The following TRPM1 variants were observed in gnomAD, a reference collection of about 807,000 sequenced individuals.
The protein encoded by TRPM1 is TRPM1-203 APA Isoform, Intron 10.
In TRPM1, 113 loss-of-function variants were observed where a neutral mutation model predicts 149.4. The ratio of observed to expected loss-of-function variants is 0.76; its 90% confidence interval spans 0.65 to 0.88. The LOEUF (loss-of-function observed/expected upper bound fraction) is 0.88. TRPM1 is among the 40% of genes least tolerant of loss of function. The probability of loss-of-function intolerance (pLI) is 0.00; values close to 1 mark genes in which losing one functional copy is unlikely to be tolerated. For missense variants in TRPM1, 1,976 were observed against 2,038.7 expected (o/e 0.97, Z 0.59); for synonymous variants, 741 against 759.5 (o/e 0.98, Z 0.40).
Position 31,066,262 on chromosome 15 carries a change from A to G in TRPM1, c.619-15T>C, listed in dbSNP as rs1289642092. 4.3e-6 allele frequency: 7 copies of G among 1,614,096 alleles called. No homozygotes were observed. Among genetic ancestry groups the G allele is most frequent in the African/African-American group, 2.7e-5 (2 of 74,924 alleles). ...ACTCTTGTTACCTGACAAAGTGCAC[A>G]GCGCAAATCAGACCTGCAGGACTTG... is the stretch of plus-strand genomic sequence containing the variant. On this transcript the variant is annotated splice_polypyrimidine_tract_variant and intron_variant, in intron 6 of 27. Coordinates refer to ENST00000256552, the MANE Select transcript of TRPM1 (RefSeq NM_001252024.2).
chr15:31,040,763 T>C lies in TRPM1; in HGVS notation c.2088-417A>G, dbSNP rs71399738. Among the ~76,000 whole-genome samples, 1 of 151,972 alleles carries C rather than the reference T, an allele frequency of 6.6e-6. No homozygotes were observed. Among genetic ancestry groups the C allele is most frequent in the African/African-American group, 2.4e-5 (1 of 41,394 alleles). On this transcript the variant is annotated intron_variant, in intron 17 of 27. Coordinates refer to ENST00000256552, the MANE Select transcript of TRPM1 (RefSeq NM_001252024.2). This position sits in a 1 kb window ranked among gnomAD's most constrained non-coding sequence, Gnocchi z 4.2. Reference sequence around the variant, plus strand: ...GTAGCGGGGCTGCTGGTGGTGGTGGTGGCGGGAGGTGGACACTGAAAGGAG... The same window carrying C: ...GTAGCGGGGCTGCTGGTGGTGGTGGCGGCGGGAGGTGGACACTGAAAGGAG...
At chr15:31,146,005 T>C (rs1461302381) in intron 1 of TRPM1, among the ~76,000 whole-genome samples, 1 of 152,066 alleles carries the variant, frequency 6.6e-6, no homozygotes, top group Non-Finnish European at 1.5e-5. Context: ...AGGCTTTGAA[T>C]GTGGGCCTCA....
intron 1 of TRPM1, among the ~76,000 whole-genome samples, chr15:31,121,598 A>G (rs972106742): frequency 6.6e-6 from 1 of 152,204 alleles, no homozygotes; most frequent in Non-Finnish European, 1.5e-5. Context: ...TCCTTGAAAC[A>G]CACAATCTTT....
chr15:31,083,146 T>C (rs2034907050), intron 1 of TRPM1, among the ~76,000 whole-genome samples: 1 of 152,152 alleles, frequency 6.6e-6, no homozygotes, highest in Non-Finnish European at 1.5e-5. Context: ...GGCGAGGCTC[T>C]GTTTACTCAA....
intron 1 of TRPM1, among the ~76,000 whole-genome samples, chr15:31,140,456 T>C (rs2036147397): frequency 6.6e-6 from 1 of 152,194 alleles, no homozygotes; most frequent in South Asian, 2.1e-4. Context: ...GGGAGGTGTT[T>C]GGGTCTGGGG....
intron 4 of TRPM1, 66 bp downstream of exon 4, chr15:31,069,965 G>T: frequency 6.2e-7 from 1 of 1,613,754 alleles, no homozygotes; most frequent in African/African-American, 1.3e-5. Context: ...GCAGTTTGGG[G>T]CTGGGAGACT....
chr15:31,048,079 A>T (rs2033832324), intron 13 of TRPM1, 140 bp from the exon 14 acceptor site: 2 of 757,676 alleles, frequency 2.6e-6, no homozygotes, highest in Non-Finnish European at 4.8e-6. Context: ...CCTGGCCAAC[A>T]TGGTGAAACC....
intron 1 of TRPM1, among the ~76,000 whole-genome samples, chr15:31,108,072 G>A (rs1180937512): frequency 6.6e-6 from 1 of 152,070 alleles, no homozygotes; most frequent in Non-Finnish European, 1.5e-5. Context: ...TGGCCAGGCT[G>A]GTCTCGAACT....
intron 13 of TRPM1, among the ~76,000 whole-genome samples, chr15:31,048,971 T>C (rs1049025406): frequency 1.3e-5 from 2 of 152,122 alleles, no homozygotes; most frequent in African/African-American, 4.8e-5. Flanking sequence ...CCAGCAGAGC[T>C]CCTGGGTGTG....
upstream of TRPM1, among the ~76,000 whole-genome samples, chr15:31,104,275 G>A (rs1227391618): frequency 1.3e-5 from 2 of 152,198 alleles, no homozygotes; most frequent in Non-Finnish European, 2.9e-5. Context: ...ATGCTCACCT[G>A]TGTGGGGCCC....
intron 27 of TRPM1, among the ~76,000 whole-genome samples, chr15:31,012,577 C>T (rs189009298): frequency 5.9e-5 from 9 of 152,208 alleles, no homozygotes; most frequent in African/African-American, 9.6e-5. Context: ...TTGACTATAA[C>T]GTTAATTGGT....
chr15:31,049,299 A>G, intron 13 of TRPM1, 76 bp downstream of exon 13: 1 of 1,605,934 alleles, frequency 6.2e-7, no homozygotes, highest in African/African-American at 1.3e-5. Flanking sequence ...GAGCACATTT[A>G]TGCACAATAT....
intron 1 of TRPM1, among the ~76,000 whole-genome samples, chr15:31,112,533 T>C (rs187376815): frequency 6.6e-6 from 1 of 152,334 alleles, no homozygotes; most frequent in Non-Finnish European, 1.5e-5. Flanking sequence ...GAAACTTTGC[T>C]TAGCAGAGGT....
chr15:31,035,530 C>T lies in TRPM1; in HGVS notation c.2700+16G>A, dbSNP rs1339934700. On this transcript the variant is annotated intron_variant, in intron 21 of 27. Coordinates refer to ENST00000256552, the MANE Select transcript of TRPM1 (RefSeq NM_001252024.2). ...TCAGCGGTTAGTGGGCTGGGGGAGG[C>T]CTTTGGAGTAGCCACCTCTCGTATC... 6.2e-7 allele frequency: 1 copy of T among 1,614,004 alleles called. No individual in the cohort carries two copies. Among genetic ancestry groups the T allele is most frequent in the Admixed American group, 1.7e-5 (1 of 60,006 alleles).
chr15:31,042,359 GTAC>G, intron 16 of TRPM1, 116 bp from the exon 17 acceptor site: 42 of 1,060,148 alleles, frequency 4.0e-5, no homozygotes, highest in Admixed American at 1.7e-4. Context: ...GACTTCTGAA[GTAC>G]ATCTTACATT....
chr15:31,006,409 C>G (rs940248382), intron 27 of TRPM1, among the ~76,000 whole-genome samples: 5 of 152,186 alleles, frequency 3.3e-5, no homozygotes, highest in African/African-American at 1.2e-4. Flanking sequence ...AACTCCTGAC[C>G]TCAGGTGATC....
chr15:31,114,510 G>T (rs2035771560), intron 1 of TRPM1, among the ~76,000 whole-genome samples: 1 of 152,140 alleles, frequency 6.6e-6, no homozygotes, highest in South Asian at 2.1e-4. Context: ...TAAACACAAA[G>T]AAATACACAT....
intron 1 of TRPM1, chr15:31,160,817 G>T: frequency 7.0e-7 from 1 of 1,425,600 alleles, no homozygotes; most frequent in Non-Finnish European, 9.6e-7. Flanking sequence ...GACCCGCTGG[G>T]CCAGCACTCT....
chr15:31,126,538 C>T (rs1214892181), intron 1 of TRPM1, among the ~76,000 whole-genome samples: 1 of 152,174 alleles, frequency 6.6e-6, no homozygotes, highest in Non-Finnish European at 1.5e-5. Flanking sequence ...AGAGTGGGTC[C>T]AGTGTCCTAG....
Sources: allele counts gnomAD v4.1 joint callset (sites outside exome capture counted in the v4.1 genomes callset), GRCh38; gene constraint gnomAD v4.1.1; non-coding constraint Gnocchi (gnomAD v3.1); transcripts MANE v1.5; gene names NCBI Gene and HGNC (gene_info 2026-07-23, HGNC 2026-07-21).